Variants in PAX2 observed in about 807,000 individuals in gnomAD.
PAX2 encodes paired box protein Pax-2.
Under a neutral mutation model 41.7 loss-of-function variants are expected in PAX2, and 9 were observed. That is an observed-to-expected ratio of 0.22 (90% CI 0.13 to 0.38). The LOEUF (loss-of-function observed/expected upper bound fraction) is 0.38. Among genes scored for constraint, PAX2 ranks in the 10% least tolerant of loss-of-function variants. The pLI, the probability that PAX2 is intolerant of heterozygous loss-of-function variation, is 1.00. For synonymous variants in PAX2, 221 were observed against 212.7 expected (o/e 1.04, Z -0.34); for missense variants, 418 against 531.6 (o/e 0.79, Z 2.10).
At position 100,745,698 on chromosome 10, in the gene PAX2, C is replaced by T; in HGVS notation, c.-563C>T. On this transcript the variant is annotated 5_prime_UTR_variant, in exon 1 of 10. Transcript: ENST00000355243. ...CTTCGGCCGCGGCGGCGTGCGCCTG[C>T]CTTTTCCGGGGGCGGGGGCCTGGCC... 1 of 865,558 alleles carries T rather than the reference C, an allele frequency of 1.2e-6. No homozygotes were observed. The highest frequency in any genetic ancestry group is 1.4e-6 in the Non-Finnish European group (1 of 710,528). 53.6% of individuals were successfully genotyped at this position (865,558 alleles called of 1,614,324 possible). A position where few individuals can be genotyped will look rare whatever the true frequency, so the allele number is the denominator to read the frequency against.
intron 5 of PAX2, among the ~76,000 whole-genome samples, chr10:100,782,603 A>G (rs1164725769): frequency 6.6e-6 from 1 of 152,264 alleles, no homozygotes; most frequent in Non-Finnish European, 1.5e-5. Context: ...GCCTGACAAG[A>G]CAGTGATGAC....
intron 7 of PAX2, among the ~76,000 whole-genome samples, chr10:100,812,796 C>T (rs897236655): frequency 1.1e-4 from 16 of 152,180 alleles, no homozygotes; most frequent in Non-Finnish European, 1.2e-4. Context: ...CCCAAAGTCA[C>T]TGGGGATGTT....
chr10:100,779,566 C>G lies in PAX2; in HGVS notation c.479C>G (p.Ala160Gly). ...TPDGAGTGVT[A>G]PGHTIVPSTA... The stretch of plus-strand genomic sequence containing the variant: ...GATGGGGCTGGGACAGGAGTGACCG[C>G]CCCTGGCCACACCATTGGTAAGAGG... Residue 160 changes from alanine (A) to glycine (G), a missense_variant, in exon 4 of 10, where the codon GCC becomes GGC. Around this residue, in one of 2 missense-constraint regions of PAX2, gnomAD observed 310 missense variants for 325.2 expected, o/e 0.95. Coordinates refer to ENST00000355243, the MANE Select transcript of PAX2 (RefSeq NM_000278.5). 6.3e-7 allele frequency: 1 copy of G among 1,589,552 alleles called. No homozygotes were observed. The highest frequency in any genetic ancestry group is 1.8e-5 in the Admixed American group (1 of 56,424).
At chr10:100,796,270 A>G (rs547238197) in intron 5 of PAX2, among the ~76,000 whole-genome samples, 7 of 152,360 alleles carry the variant, frequency 4.6e-5, no homozygotes, top group Admixed American at 2.0e-4. Flanking sequence ...TTGTGTATAT[A>G]TAATTTTTTA....
chr10:100,752,316 C>T (rs1056987865), intron 3 of PAX2, among the ~76,000 whole-genome samples: 1 of 152,246 alleles, frequency 6.6e-6, no homozygotes, highest in Non-Finnish European at 1.5e-5. Context: ...ATTTGACATT[C>T]AGATACCTTC....
chr10:100,802,430 C>T (rs924746805), intron 5 of PAX2, among the ~76,000 whole-genome samples: 3 of 152,182 alleles, frequency 2.0e-5, no homozygotes, highest in African/African-American at 7.2e-5. Context: ...CAGAGATGGG[C>T]AGGATGGTGT....
intron 1 of PAX2, chr10:100,747,821 C>G (rs1266337153): frequency 1.0e-5 from 10 of 984,908 alleles, no homozygotes; most frequent in African/African-American, 3.5e-5. Flanking sequence ...GAACCGGGTC[C>G]ACACGCCGTT....
intron 3 of PAX2, among the ~76,000 whole-genome samples, chr10:100,755,709 A>G (rs1845601955): frequency 6.6e-6 from 1 of 152,216 alleles, no homozygotes; most frequent in African/African-American, 2.4e-5. Flanking sequence ...GAGCCCAGGA[A>G]GGGCCCATCT....
Position 100,779,593 on chromosome 10 carries a change from C to G in PAX2, c.496+10C>G, listed in dbSNP as rs1349519149. Reference sequence around the variant, plus strand: ...CCTGGCCACACCATTGGTAAGAGGGCTCAGGGAAGGGGAGGAAACCAGATC... The same window carrying G: ...CCTGGCCACACCATTGGTAAGAGGGGTCAGGGAAGGGGAGGAAACCAGATC... On this transcript the variant is annotated intron_variant, in intron 4 of 9. Transcript: ENST00000355243. 6.4e-7 allele frequency: 1 copy of G among 1,565,428 alleles called. No individual in the cohort carries two copies. The highest frequency in any genetic ancestry group is 2.3e-5 in the East Asian group (1 of 43,260).
At chr10:100,752,149 G>A (rs1396273399) in intron 3 of PAX2, among the ~76,000 whole-genome samples, 2 of 152,144 alleles carry the variant, frequency 1.3e-5, no homozygotes, top group East Asian at 1.9e-4. Flanking sequence ...AATGTACTGC[G>A]AGGCGACCCC....
chr10:100,751,684 G>T (rs539915376), intron 3 of PAX2, among the ~76,000 whole-genome samples: 1 of 152,114 alleles, frequency 6.6e-6, no homozygotes, highest in Non-Finnish European at 1.5e-5. Flanking sequence ...GTGTGCTCTC[G>T]GGGAGAACAC....
At chr10:100,761,917 T>C (rs1845855210) in intron 3 of PAX2, among the ~76,000 whole-genome samples, 1 of 152,132 alleles carries the variant, frequency 6.6e-6, no homozygotes, top group Non-Finnish European at 1.5e-5. Flanking sequence ...ACCAGGAATA[T>C]AGGGAGACAT....
At chr10:100,773,376 G>C (rs1846278777) in intron 3 of PAX2, among the ~76,000 whole-genome samples, 1 of 152,150 alleles carries the variant, frequency 6.6e-6, no homozygotes, top group Non-Finnish European at 1.5e-5. Context: ...TCCTCCCAAG[G>C]TGAGCTGTCT....
In PAX2 at chr10:100,824,531, A is replaced by G; in HGVS notation, c.920-117A>G. ...TGCACAGTGGCACACATACCCCTGC[A>G]CGTCTGCACAGAGCTCTTTCCTCTC... On this transcript the variant is annotated intron_variant, in intron 7 of 9. Transcript: ENST00000355243. This position sits in a 1 kb window ranked among gnomAD's most constrained non-coding sequence, Gnocchi z 6.6. 1 of 798,842 alleles carries G rather than the reference A, an allele frequency of 1.3e-6. No individual in the cohort carries two copies. The highest frequency in any genetic ancestry group is 2.2e-6 in the Non-Finnish European group (1 of 446,074). The allele number at this position is 798,842 out of a possible 1,614,324, so 49.5% of individuals were successfully genotyped here.
chr10:100,776,730 C>T (rs1254807052), intron 3 of PAX2, among the ~76,000 whole-genome samples: 1 of 152,204 alleles, frequency 6.6e-6, no homozygotes, highest in Non-Finnish European at 1.5e-5. Flanking sequence ...CAAAACCAGT[C>T]ACCTCCCTAT....
intron 4 of PAX2, among the ~76,000 whole-genome samples, chr10:100,781,021 A>G (rs947715539): frequency 1.3e-5 from 2 of 152,112 alleles, no homozygotes; most frequent in African/African-American, 2.4e-5. Flanking sequence ...TAAACTGGGC[A>G]CCACTTACCT....
At position 100,824,395 on chromosome 10, in the gene PAX2, C is replaced by CAA. The variant is rs546305570; in HGVS notation, c.920-251_920-250dup. Among the ~76,000 whole-genome samples the CAA allele has an allele frequency of 6.7e-6, 1 of 149,724 alleles. No individual in the cohort carries two copies. The highest frequency in any genetic ancestry group is 2.0e-4 in the East Asian group (1 of 5,092). ...ACACACACACACACACACACACACA[C>CAA]AAATACACAGAGACACAAAGAGCTA... is the stretch of plus-strand genomic sequence containing the variant. On this transcript the variant is annotated intron_variant, in intron 7 of 9. Coordinates refer to ENST00000355243, the MANE Select transcript of PAX2 (RefSeq NM_000278.5). This position sits in a 1 kb window ranked among gnomAD's most constrained non-coding sequence, Gnocchi z 6.6.
intron 5 of PAX2, among the ~76,000 whole-genome samples, chr10:100,804,295 C>CACACACACACACAG (rs1396220324): frequency 6.6e-6 from 1 of 151,036 alleles, no homozygotes; most frequent in African/African-American, 2.4e-5. Flanking sequence ...CACACACACA[C>CACACACACACACAG]AGACACAGTG....
At position 100,746,293 on chromosome 10, in the gene PAX2, C is replaced by T. The variant is rs1304283734; in HGVS notation, c.33C>T (p.Ser11=). MDMHCKADPF[S]AMHPGHGGVN... is the part of the protein sequence containing the mutation. ...TGCACTGCAAAGCAGACCCCTTCTC[C>T]GCGATGCACCGTGAGTACCGGCGCC... is the stretch of plus-strand genomic sequence containing the variant. The change falls in exon 1 of 10, where the codon TCC becomes TCT. Residue 11 remains serine (S), a synonymous_variant. Transcript: ENST00000355243. The T allele has an allele frequency of 1.2e-6, 2 of 1,608,916 alleles. No individual in the cohort carries two copies. Among genetic ancestry groups the T allele is most frequent in the South Asian group, 1.1e-5 (1 of 90,990 alleles).
Sources: allele counts gnomAD v4.1 joint callset (sites outside exome capture counted in the v4.1 genomes callset), GRCh38; gene constraint gnomAD v4.1.1; regional missense constraint gnomAD v4.1.1; non-coding constraint Gnocchi (gnomAD v3.1); transcripts MANE v1.5; gene names NCBI Gene and HGNC (gene_info 2026-07-23, HGNC 2026-07-21).